MEF2D: variants seen among roughly 807,000 people sequenced by gnomAD.
MEF2D encodes the protein myocyte enhancer factor 2D, also known as myocyte-specific enhancer factor 2D.
MEF2D carries 10 observed loss-of-function variants against 59.3 expected under a neutral mutation model. The observed-to-expected ratio is 0.17, with a 90% CI of 0.10 to 0.29. MEF2D has a LOEUF of 0.29. Among genes scored for constraint, MEF2D ranks in the 10% least tolerant of loss-of-function variants. MEF2D has a pLI of 1.00. For synonymous variants in MEF2D, 305 were observed against 295.0 expected, an observed-to-expected ratio of 1.03 and a Z score of -0.35; for missense variants, 508 against 699.4, an observed-to-expected ratio of 0.73 and a Z score of 3.09.
In MEF2D at chr1:156,487,470, T is replaced by C. The variant is rs1365267870; in HGVS notation, c.-138-4040A>G. On this transcript the variant is annotated intron_variant, in intron 1 of 11. Transcript: ENST00000348159. ...CCTCCCATCTAACCACAAACCCCTC[T>C]ACAAAGCAGATGCAGTCTATACTGA... Among the ~76,000 whole-genome samples, 3 of 152,222 alleles carry C rather than the reference T, an allele frequency of 2.0e-5. No individual in the cohort carries two copies. In the South Asian group the frequency reaches 6.2e-4, roughly 31 times the overall value.
chr1:156,500,305 T>C (rs886969213), intron 1 of MEF2D, among the ~76,000 whole-genome samples, 181 bp downstream of exon 1: 1 of 151,866 alleles, frequency 6.6e-6, no homozygotes, highest in African/African-American at 2.4e-5. Flanking sequence ...AACAGTCCCC[T>C]AGGTAATCCC....
chr1:156,491,042 C>T (rs1037951890), intron 1 of MEF2D, among the ~76,000 whole-genome samples: 5 of 152,182 alleles, frequency 3.3e-5, no homozygotes, highest in Admixed American at 3.3e-4. Flanking sequence ...CGCACCCCCA[C>T]AAAACAAGCT....
At chr1:156,497,385 T>TGAGA (rs1673191090) in intron 1 of MEF2D, among the ~76,000 whole-genome samples, 1 of 152,242 alleles carries the variant, frequency 6.6e-6, no homozygotes, top group African/African-American at 2.4e-5. Flanking sequence ...CCAGCTGGCC[T>TGAGA]GAGAGAGCCT....
chr1:156,464,040 C>G lies in MEF2D; in HGVS notation c.*3605G>C, dbSNP rs1391822811. On this transcript the variant is annotated 3_prime_UTR_variant, in exon 12 of 12. Coordinates refer to ENST00000348159, the MANE Select transcript of MEF2D (RefSeq NM_005920.4). ...CCTCTTCCTCACCACCTCCCTCCCT[C>G]TGGAGAATGGGGAAGAGGAGAGAAT... The G allele has an allele frequency of 1.3e-5, 2 of 152,630 alleles. No individual in the cohort carries two copies. The highest frequency in any genetic ancestry group is 6.5e-5 in the Admixed American group (1 of 15,278). 9.5% of individuals were successfully genotyped at this position (152,630 alleles called of 1,614,324 possible).
At position 156,480,953 on chromosome 1, in the gene MEF2D, A is replaced by C; in HGVS notation, c.277T>G (p.Phe93Val). The change falls in exon 4 of 12, where the codon TTC becomes GTC. Residue 93 changes from phenylalanine (F) to valine (V), a missense_variant. Physicochemically the swap from Phe to Val is conservative, Grantham distance 50. Coordinates refer to ENST00000348159, the MANE Select transcript of MEF2D (RefSeq NM_005920.4). Reference sequence around the variant, plus strand: ...GGCTCGGGGCTGTCGCAGCCGTTGAAGCCCTTCTTCCTCAGGGTCTGTAAC... The same window carrying C: ...GGCTCGGGGCTGTCGCAGCCGTTGACGCCCTTCTTCCTCAGGGTCTGTAAC... ...DIIETLRKKG[F>V]NGCDSPEPDG... is the part of the protein sequence containing the mutation. 1 of 1,611,976 alleles carries C rather than the reference A, an allele frequency of 6.2e-7. No homozygotes were observed. Among genetic ancestry groups the C allele is most frequent in the South Asian group, 1.1e-5 (1 of 91,002 alleles).
intron 1 of MEF2D, 53 bp downstream of exon 1, chr1:156,500,433 G>C (rs1557901972): frequency 6.6e-6 from 1 of 152,338 alleles, no homozygotes; most frequent in Non-Finnish European, 1.5e-5. Flanking sequence ...CCCTGGACCG[G>C]GTGGGGGAGG....
At chr1:156,487,055 G>A (rs1294172263) in intron 1 of MEF2D, among the ~76,000 whole-genome samples, 1 of 152,188 alleles carries the variant, frequency 6.6e-6, no homozygotes, top group Non-Finnish European at 1.5e-5. Context: ...GGTTGGTGCA[G>A]AGGGTGAGAC....
chr1:156,480,809 C>A, intron 4 of MEF2D, 25 bp downstream of exon 4: 1 of 1,593,642 alleles, frequency 6.3e-7, no homozygotes, highest in Non-Finnish European at 8.5e-7. Context: ...GGGGGGCCAA[C>A]AGAGACAGAG....
intron 9 of MEF2D, 89 bp downstream of exon 9, chr1:156,475,019 C>T (rs1340635339): frequency 3.8e-6 from 6 of 1,585,990 alleles, no homozygotes; most frequent in African/African-American, 1.3e-5. Flanking sequence ...TCAGATGTGG[C>T]CTGTCCAGGG....
rs142239970 is a variant in MEF2D, at chr1:156,483,644, G to C, written c.-138-214C>G. 2.6e-5 allele frequency among the ~76,000 whole-genome samples: 4 copies of C among 152,292 alleles called. No homozygotes were observed. In the East Asian group the frequency reaches 7.7e-4, roughly 29 times the overall value. On this transcript the variant is annotated intron_variant, in intron 1 of 11. Transcript: ENST00000348159. ...ACCAAGGCCCAGACTCTTTCCCCTCGGTCACTGCTGTCCTCAGGCTCCAGG... is the reference window on the plus strand; with the variant it reads ...ACCAAGGCCCAGACTCTTTCCCCTCCGTCACTGCTGTCCTCAGGCTCCAGG...
At chr1:156,499,841 G>A (rs1239513955) in intron 1 of MEF2D, among the ~76,000 whole-genome samples, 1 of 152,046 alleles carries the variant, frequency 6.6e-6, no homozygotes, top group East Asian at 1.9e-4. Flanking sequence ...CCACCTCGTG[G>A]CGACTCCGCG....
chr1:156,482,414 G>A, intron 3 of MEF2D, 23 bp downstream of exon 3: 1 of 1,612,822 alleles, frequency 6.2e-7, no homozygotes. Context: ...GGTATATCCT[G>A]GTGCCTGTGT....
At chr1:156,471,208 G>A (rs1324756106) in intron 9 of MEF2D, among the ~76,000 whole-genome samples, 2 of 152,008 alleles carry the variant, frequency 1.3e-5, no homozygotes, top group African/African-American at 4.8e-5. Context: ...TCGGCTCACC[G>A]CAACCTCTGC....
intron 3 of MEF2D, among the ~76,000 whole-genome samples, chr1:156,481,845 C>A (rs1034704398): frequency 2.0e-5 from 3 of 152,234 alleles, no homozygotes; most frequent in African/African-American, 7.2e-5. Flanking sequence ...CAGGCACTGA[C>A]CCCATTTTGT....
rs1670858368 is a variant in MEF2D, at chr1:156,466,565, A to G, written c.*1080T>C. ...ATCCGTAGGCCCTCCCACCCCACAG[A>G]CCATCCCAGTGTTGACTCCCCCAGG... On this transcript the variant is annotated 3_prime_UTR_variant, in exon 12 of 12. Transcript: ENST00000348159. 6.5e-6 allele frequency: 1 copy of G among 152,782 alleles called. No individual in the cohort carries two copies. The highest frequency in any genetic ancestry group is 6.5e-5 in the Admixed American group (1 of 15,284). The allele number at this position is 152,782 out of a possible 1,614,324, so 9.5% of individuals were successfully genotyped here.
chr1:156,499,780 CA>C (rs1394340217), intron 1 of MEF2D, among the ~76,000 whole-genome samples: 2 of 152,122 alleles, frequency 1.3e-5, no homozygotes, highest in African/African-American at 4.8e-5. Flanking sequence ...CAAACCACAT[CA>C]GGGGTCTCGG....
intron 9 of MEF2D, among the ~76,000 whole-genome samples, chr1:156,474,801 C>A (rs1404024485): frequency 1.3e-5 from 2 of 151,866 alleles, no homozygotes; most frequent in African/African-American, 4.8e-5. Flanking sequence ...CAGAGTGAAA[C>A]CCTGTTCCAA....
chr1:156,466,574 G>C lies in MEF2D; in HGVS notation c.*1071C>G, dbSNP rs1342392154. The C allele has an allele frequency of 6.5e-6, 1 of 152,860 alleles. No homozygotes were observed. Among genetic ancestry groups the C allele is most frequent in the Non-Finnish European group, 1.5e-5 (1 of 68,214 alleles). 9.5% of individuals were successfully genotyped at this position (152,860 alleles called of 1,614,324 possible). ...CCCTCCCACCCCACAGACCATCCCA[G>C]TGTTGACTCCCCCAGGTAGTGTGCG... On this transcript the variant is annotated 3_prime_UTR_variant, in exon 12 of 12. Transcript: ENST00000348159.
intron 1 of MEF2D, among the ~76,000 whole-genome samples, chr1:156,488,564 C>G (rs878984591): frequency 6.6e-6 from 1 of 152,146 alleles, no homozygotes; most frequent in South Asian, 2.1e-4. Context: ...CCAATTAGAA[C>G]TTGTGGGTTG....
Sources: allele counts gnomAD v4.1 joint callset (sites outside exome capture counted in the v4.1 genomes callset), GRCh38; gene constraint gnomAD v4.1.1; transcripts MANE v1.5; gene names NCBI Gene and HGNC (gene_info 2026-07-23, HGNC 2026-07-21).